Variants in EGFLAM observed in about 807,000 individuals in gnomAD.
The protein encoded by EGFLAM is EGF like, fibronectin type III and laminin G domains, also known as pikachurin.
A neutral mutation model predicts 113.1 loss-of-function variants in EGFLAM; 79 were observed. That is an observed-to-expected ratio of 0.70 (90% CI 0.58 to 0.84). The LOEUF is 0.84. Ranked by LOEUF, EGFLAM falls within the 40% of genes least tolerant of loss-of-function variation. The pLI is 0.00. For synonymous variants in EGFLAM, 504 were observed against 487.6 expected (o/e 1.03, Z -0.44); for missense variants, 1,265 against 1,291.6 (o/e 0.98, Z 0.32).
At chr5:38,343,798 G>A (rs1032678451) in intron 3 of EGFLAM, among the ~76,000 whole-genome samples, 13 of 152,172 alleles carry the variant, frequency 8.5e-5, no homozygotes, top group African/African-American at 2.4e-4. Context: ...TGACTTGTGC[G>A]GTCAACTGTG....
At chr5:38,271,624 G>A (rs574632052) in intron 1 of EGFLAM, among the ~76,000 whole-genome samples, 48 of 152,152 alleles carry the variant, frequency 3.2e-4, no homozygotes, top group Non-Finnish European at 5.0e-4. Context: ...ATATCCTTCC[G>A]TTATCTCTAC....
At chr5:38,438,142 TG>T in intron 16 of EGFLAM, 132 bp from the exon 17 acceptor site, 1 of 681,834 alleles carries the variant, frequency 1.5e-6, no homozygotes, top group Non-Finnish European at 2.1e-6. Context: ...AAAAAAAAAG[TG>T]GAAACTGGAC....
In EGFLAM at chr5:38,258,858, C is replaced by A; in HGVS notation, c.97+7C>A. On this transcript the variant is annotated splice_region_variant and intron_variant, in intron 1 of 21. Coordinates refer to ENST00000322350, the MANE Select transcript of EGFLAM (RefSeq NM_152403.4). ...GCGGCCATCCGAAAACCAGGTAATGCGCTCCTCCGCCCAGAGCCACCACGC... is the reference window on the plus strand; with the variant it reads ...GCGGCCATCCGAAAACCAGGTAATGAGCTCCTCCGCCCAGAGCCACCACGC... 3 of 1,609,654 alleles carry A rather than the reference C, an allele frequency of 1.9e-6. No homozygotes were observed. The highest frequency in any genetic ancestry group is 1.1e-5 in the South Asian group (1 of 90,734).
chr5:38,409,164 C>T (rs1316840781), intron 10 of EGFLAM, 60 bp downstream of exon 10: 1 of 1,343,482 alleles, frequency 7.4e-7, no homozygotes, highest in Non-Finnish European at 1.0e-6. Context: ...ATTATATTTG[C>T]CTTTTTATAG....
intron 1 of EGFLAM, among the ~76,000 whole-genome samples, chr5:38,262,330 T>C (rs989768206): frequency 8.5e-5 from 13 of 152,202 alleles, no homozygotes; most frequent in African/African-American, 2.4e-5. Flanking sequence ...TGCTAACTCT[T>C]GTCCTTATTA....
At chr5:38,308,956 T>G (rs1229980417) in intron 1 of EGFLAM, among the ~76,000 whole-genome samples, 1 of 152,166 alleles carries the variant, frequency 6.6e-6, no homozygotes, top group Non-Finnish European at 1.5e-5. Flanking sequence ...GGTAGCTGTA[T>G]AGAATTAGGA....
chr5:38,432,595 C>T (rs1742221979), intron 15 of EGFLAM, among the ~76,000 whole-genome samples: 1 of 152,152 alleles, frequency 6.6e-6, no homozygotes. Flanking sequence ...TTCTAACAGC[C>T]GACTTTAGTC....
chr5:38,277,593 C>T (rs1161575519), intron 1 of EGFLAM, among the ~76,000 whole-genome samples: 2 of 124,156 alleles, frequency 1.6e-5, no homozygotes, highest in African/African-American at 5.6e-5. Context: ...ATAAAAAGCT[C>T]TAAATGGGAA....
chr5:38,443,228 T>C (rs1411857274), intron 17 of EGFLAM, among the ~76,000 whole-genome samples: 3 of 152,230 alleles, frequency 2.0e-5, no homozygotes, highest in Non-Finnish European at 4.4e-5. Flanking sequence ...ATCGTGCCAC[T>C]GCACTCCAGC....
chr5:38,258,811 A>G lies in EGFLAM; in HGVS notation c.57A>G (p.Gly19=). ...LRLLLLASSL[G]PGAVSLRAAI... is the part of the protein sequence containing the mutation. ...TCCTGCTCCTGGCTTCCAGCCTCGG[A>G]CCCGGCGCGGTGTCGCTCCGAGCGG... Residue 19 remains glycine (G), a synonymous_variant, in exon 1 of 22, where the codon GGA becomes GGG. Coordinates refer to ENST00000322350, the MANE Select transcript of EGFLAM (RefSeq NM_152403.4). The G allele has an allele frequency of 6.2e-7, 1 of 1,612,322 alleles. No individual in the cohort carries two copies. The highest frequency in any genetic ancestry group is 8.5e-7 in the Non-Finnish European group (1 of 1,179,572).
At chr5:38,315,469 T>A (rs1738568933) in intron 1 of EGFLAM, among the ~76,000 whole-genome samples, 1 of 152,230 alleles carries the variant, frequency 6.6e-6, no homozygotes, top group South Asian at 2.1e-4. Context: ...GTGCATTTTG[T>A]GTTTAAAAAG....
At chr5:38,283,399 A>T (rs1194221663) in intron 1 of EGFLAM, among the ~76,000 whole-genome samples, 1 of 152,184 alleles carries the variant, frequency 6.6e-6, no homozygotes, top group Non-Finnish European at 1.5e-5. Flanking sequence ...TCATTGTTAT[A>T]ATGGGGAAGA....
intron 6 of EGFLAM, among the ~76,000 whole-genome samples, chr5:38,397,570 G>A (rs1474837681): frequency 6.6e-6 from 1 of 152,160 alleles, no homozygotes; most frequent in African/African-American, 2.4e-5. Flanking sequence ...TGGGATCACA[G>A]GTGTAAGCTA....
chr5:38,338,580 T>C (rs1739252731), intron 2 of EGFLAM, 118 bp from the exon 3 acceptor site: 2 of 893,122 alleles, frequency 2.2e-6, no homozygotes, highest in Admixed American at 2.0e-5. Flanking sequence ...GCAGAACTAG[T>C]GCACGTGATG....
intron 1 of EGFLAM, among the ~76,000 whole-genome samples, chr5:38,288,424 C>T (rs912657702): frequency 3.3e-5 from 5 of 152,154 alleles, no homozygotes; most frequent in African/African-American, 1.2e-4. Context: ...ATCTATTATG[C>T]ATATTATTAT....
intron 1 of EGFLAM, among the ~76,000 whole-genome samples, chr5:38,317,728 AACCCC>A (rs1161115959): frequency 6.6e-6 from 1 of 152,182 alleles, no homozygotes; most frequent in Non-Finnish European, 1.5e-5. Context: ...TAAATTATTA[AACCCC>A]ATCTTCTTCT....
intron 3 of EGFLAM, among the ~76,000 whole-genome samples, chr5:38,339,791 G>T (rs1739289533): frequency 6.6e-6 from 1 of 152,162 alleles, no homozygotes; most frequent in South Asian, 2.1e-4. Flanking sequence ...TGACTCAGAA[G>T]GAATAGATGC....
intron 5 of EGFLAM, among the ~76,000 whole-genome samples, chr5:38,362,439 T>C (rs1312060794): frequency 6.6e-6 from 1 of 152,154 alleles, no homozygotes; most frequent in African/African-American, 2.4e-5. Flanking sequence ...CCCCCAAAAG[T>C]TAGAATTGAA....
intron 12 of EGFLAM, among the ~76,000 whole-genome samples, chr5:38,420,068 CA>C (rs1473485589): frequency 2.6e-5 from 4 of 152,008 alleles, no homozygotes; most frequent in African/African-American, 9.7e-5. Flanking sequence ...AACAAAAAAC[CA>C]ATGGTACAGA....
Sources: allele counts gnomAD v4.1 joint callset (sites outside exome capture counted in the v4.1 genomes callset), GRCh38; gene constraint gnomAD v4.1.1; transcripts MANE v1.5; gene names NCBI Gene and HGNC (gene_info 2026-07-23, HGNC 2026-07-21).